SH3TC2: variants seen among roughly 807,000 people sequenced by gnomAD.
SH3TC2 encodes SH3 domain and tetratricopeptide repeat-containing protein 2.
SH3TC2 carries 87 observed loss-of-function variants against 124.5 expected under a neutral mutation model. The ratio of observed to expected loss-of-function variants is 0.70; its 90% CI spans 0.59 to 0.84. The LOEUF (loss-of-function observed/expected upper bound fraction) is 0.84. Ranked by LOEUF, SH3TC2 falls within the 40% of genes least tolerant of loss-of-function variation. SH3TC2 has a pLI of 0.00. For missense variants in SH3TC2, 1,536 were observed against 1,566.4 expected (o/e 0.98, Z 0.33); for synonymous variants, 634 against 628.5 (o/e 1.01, Z -0.13).
rs1003128440 is a variant in SH3TC2, at chr5:149,009,509, G to A, written c.3328-508C>T. ...TAAGCCCCTCAACAGTCAGAGACGC[G>A]TTCCCTGTTCTTCCCCACCCCTAGC... On this transcript the variant is annotated intron_variant, in intron 14 of 16. Transcript: ENST00000515425. Among the ~76,000 whole-genome samples the A allele has an allele frequency of 3.9e-5, 6 of 152,268 alleles. No homozygotes were observed. In the East Asian group the frequency reaches 7.7e-4, roughly 20 times the overall value.
rs928106329 is a variant in SH3TC2, at chr5:148,999,436, C to A, written c.*5275G>T. Reference sequence around the variant, plus strand: ...ACTCCAAAACACATTACATTGCCCCCACCTGAGCTGCCACCTGAGTGAGTG... The same window carrying A: ...ACTCCAAAACACATTACATTGCCCCAACCTGAGCTGCCACCTGAGTGAGTG... On this transcript the variant is annotated 3_prime_UTR_variant, in exon 17 of 17. Coordinates refer to ENST00000515425, the MANE Select transcript of SH3TC2 (RefSeq NM_024577.4). 6.6e-6 allele frequency among the ~76,000 whole-genome samples: 1 copy of A among 152,178 alleles called. No homozygotes were observed. The highest frequency in any genetic ancestry group is 1.5e-5 in the Non-Finnish European group (1 of 68,036).
At chr5:149,039,046 A>T (rs1428105052) in intron 7 of SH3TC2, among the ~76,000 whole-genome samples, 1 of 152,216 alleles carries the variant, frequency 6.6e-6, no homozygotes, top group African/African-American at 2.4e-5. Context: ...TACAGTGCAC[A>T]ATGCCTGGTA....
chr5:149,036,878 G>T (rs544606330), intron 8 of SH3TC2, among the ~76,000 whole-genome samples: 25 of 152,228 alleles, frequency 1.6e-4, no homozygotes, highest in South Asian at 4.2e-4. Context: ...CTCAGCAGTG[G>T]CCTTCCTCTC....
rs374572539 is a variant in SH3TC2 at position 149,027,377 on chromosome 5, C to G, written c.2355G>C (p.Val785=). ...GAIHYLSQAL[V]LGQLLGEQES... is the part of the protein sequence containing the mutation. ...CCTGCTCACCCAGCAGCTGCCCTAG[C>G]ACCAAGGCCTGGCTCAGGTAGTGGA... is the stretch of plus-strand genomic sequence containing the variant. Residue 785 remains valine, a synonymous_variant, in exon 11 of 17, where the codon GTG becomes GTC. Coordinates refer to ENST00000515425, the MANE Select transcript of SH3TC2 (RefSeq NM_024577.4). 6.2e-7 allele frequency: 1 copy of G among 1,614,014 alleles called. No homozygotes were observed. Among genetic ancestry groups the G allele is most frequent in the Non-Finnish European group, 8.5e-7 (1 of 1,180,030 alleles).
Position 149,020,113 on chromosome 5 carries a change from AACACACACAC to A in SH3TC2, c.3053+6449_3053+6458del, listed in dbSNP as rs56088659. On this transcript the variant is annotated intron_variant, in intron 12 of 16. Transcript: ENST00000515425. Reference sequence around the variant, plus strand: ...ATGTGGAGCAAACAAGAAAAGGTCAAACACACACACACACACACACACACACACACTAGGA... The same window carrying A: ...ATGTGGAGCAAACAAGAAAAGGTCAAACACACACACACACACACACTAGGA... 6.3e-3 allele frequency among the ~76,000 whole-genome samples: 921 copies of A among 146,910 alleles called. 6 individuals are homozygous for A. The highest frequency in any genetic ancestry group is 9.9e-3 in the Non-Finnish European group (662 of 67,078).
rs1219393727 is a variant in SH3TC2 at position 148,993,013 on chromosome 5, G to GA, written c.*11697dup. Among the ~76,000 whole-genome samples, 3 of 152,160 alleles carry GA rather than the reference G, an allele frequency of 2.0e-5. No homozygotes were observed. Among genetic ancestry groups the GA allele is most frequent in the African/African-American group, 7.2e-5 (3 of 41,430 alleles). ...GCCACTCTGCCCATCTTCTGTGAATGAAAACTTAGCCCACAGCGTTTCATT... is the reference window on the plus strand; with the variant it reads ...GCCACTCTGCCCATCTTCTGTGAATGAAAAACTTAGCCCACAGCGTTTCATT... On this transcript the variant is annotated 3_prime_UTR_variant, in exon 17 of 17. Coordinates refer to ENST00000515425, the MANE Select transcript of SH3TC2 (RefSeq NM_024577.4).
intron 3 of SH3TC2, chr5:149,045,857 G>A: frequency 4.1e-6 from 1 of 242,026 alleles, no homozygotes; most frequent in South Asian, 3.9e-5. Flanking sequence ...ATGTTGGCCA[G>A]GATGGTCTCG....
At chr5:149,058,009 C>A (rs1754680820) in intron 1 of SH3TC2, among the ~76,000 whole-genome samples, 1 of 152,186 alleles carries the variant, frequency 6.6e-6, no homozygotes, top group South Asian at 2.1e-4. Flanking sequence ...CAGCCTGGAG[C>A]TGTGGCACCC....
intron 7 of SH3TC2, among the ~76,000 whole-genome samples, chr5:149,039,678 G>T (rs1754337294): frequency 6.6e-6 from 1 of 152,160 alleles, no homozygotes; most frequent in Non-Finnish European, 1.5e-5. Flanking sequence ...TGGTTTTATT[G>T]TATCATTTTA....
chr5:149,027,405 G>A lies in SH3TC2; in HGVS notation c.2327C>T (p.Ala776Val). 6.2e-7 allele frequency: 1 copy of A among 1,614,142 alleles called. No homozygotes were observed. Among genetic ancestry groups the A allele is most frequent in the Non-Finnish European group, 8.5e-7 (1 of 1,180,038 alleles). ...CAAGGCCTGGCTCAGGTAGTGGATGGCACCGTCAGGAGACCTGTGCTCGAG... is the reference window on the plus strand; with the variant it reads ...CAAGGCCTGGCTCAGGTAGTGGATGACACCGTCAGGAGACCTGTGCTCGAG... Reference protein sequence around the residue: ...VYLEHRSPDGAIHYLSQALVL... With the variant: ...VYLEHRSPDGVIHYLSQALVL... The change falls in exon 11 of 17, where the codon GCC becomes GTC. Residue 776 changes from alanine (A) to valine (V), a missense_variant. Physicochemically the swap from Ala to Val is moderately conservative, Grantham distance 64. Around this residue, in one of 3 missense-constraint regions of SH3TC2, gnomAD observed 1,102 missense variants for 1,098.6 expected, o/e 1.00. Coordinates refer to ENST00000515425, the MANE Select transcript of SH3TC2 (RefSeq NM_024577.4).
intron 8 of SH3TC2, among the ~76,000 whole-genome samples, chr5:149,037,267 C>T (rs1378307432): frequency 6.6e-6 from 1 of 150,942 alleles, no homozygotes; most frequent in South Asian, 2.1e-4. Flanking sequence ...ATTCACATGT[C>T]CCCTTCTTCA....
chr5:149,041,596 A>G lies in SH3TC2; in HGVS notation c.551T>C (p.Leu184Pro), dbSNP rs1754373526. Reference protein sequence around the residue: ...IQEGHFFCRALCSVTPPAEKE... With the variant: ...IQEGHFFCRAPCSVTPPAEKE... ...CTCGGCTGGTGGAGTCACGGAGCACAGGGCTCTGCAGAAGAAGTGGCCTGT... is the reference window on the plus strand; with the variant it reads ...CTCGGCTGGTGGAGTCACGGAGCACGGGGCTCTGCAGAAGAAGTGGCCTGT... The change falls in exon 6 of 17, where the codon CTG becomes CCG. Residue 184 changes from leucine to proline, a missense_variant. This residue lies in a region of SH3TC2 where 1,102 missense variants were observed against 1,098.6 expected (regional missense o/e 1.00). Coordinates refer to ENST00000515425, the MANE Select transcript of SH3TC2 (RefSeq NM_024577.4). 2 of 1,614,224 alleles carry G rather than the reference A, an allele frequency of 1.2e-6. No homozygotes were observed. Among genetic ancestry groups the G allele is most frequent in the Middle Eastern group, 3.3e-4 (2 of 6,060 alleles).
chr5:149,053,703 A>G (rs1754594707), intron 1 of SH3TC2, among the ~76,000 whole-genome samples: 2 of 152,198 alleles, frequency 1.3e-5, no homozygotes, highest in African/African-American at 4.8e-5. Flanking sequence ...TCACCTGTCC[A>G]CTTTGTGAGT....
rs1243181790 is a variant in SH3TC2, at chr5:149,047,987, G to C, written c.154C>G (p.Leu52Val). Residue 52 changes from leucine to valine, a missense_variant and splice_region_variant, in exon 3 of 17, where the codon CTG becomes GTG. By Grantham distance (32) the Leu-to-Val change is conservative. Transcript: ENST00000515425. ...CFLPQNINPD[L>V]TLSFCVKSRS... is the part of the protein sequence containing the mutation. ...CTCTTTACACAGAAGGAGAGTGTCA[G>C]GTCTTAAAGAGAACAGAGAGAGAAG... 5 of 1,613,870 alleles carry C rather than the reference G, an allele frequency of 3.1e-6. No individual in the cohort carries two copies. The highest frequency in any genetic ancestry group is 2.7e-5 in the African/African-American group (2 of 74,930).
In SH3TC2 at chr5:148,987,809, C is replaced by CTGTGTGTG. The variant is rs71957589; in HGVS notation, c.*16894_*16901dup. On this transcript the variant is annotated 3_prime_UTR_variant, in exon 17 of 17. Transcript: ENST00000515425. ...CCTCACTCGAGGCCTCATTCAAAAT[C>CTGTGTGTG]TGTGTGTGTGTGTGTGTGTGTGTGT... Among the ~76,000 whole-genome samples, 2,200 of 135,386 alleles carry CTGTGTGTG rather than the reference C, an allele frequency of 0.016. 23 individuals are homozygous for CTGTGTGTG. Among genetic ancestry groups the CTGTGTGTG allele is most frequent in the Middle Eastern group, 0.029 (8 of 276 alleles). The allele number at this position is 135,386 out of a possible 152,430, so 88.8% of individuals were successfully genotyped here.
rs1485569302 is a variant in SH3TC2, at chr5:148,984,598, A to T, written c.*20113T>A. On this transcript the variant is annotated 3_prime_UTR_variant, in exon 17 of 17. Coordinates refer to ENST00000515425, the MANE Select transcript of SH3TC2 (RefSeq NM_024577.4). The stretch of plus-strand genomic sequence containing the variant: ...TCAGTCTTCTGCCTCACTCTGGACT[A>T]GGCAATGCTTCATATATCTCCAAGG... 6.6e-6 allele frequency among the ~76,000 whole-genome samples: 1 copy of T among 152,130 alleles called. No homozygotes were observed. Among genetic ancestry groups the T allele is most frequent in the Non-Finnish European group, 1.5e-5 (1 of 68,004 alleles).
rs780721573 is a variant in SH3TC2 at position 149,027,311 on chromosome 5, G to C, written c.2421C>G (p.Leu807=). ...AAGCCTTCTTGGCCTGGCTGGCTAAGAGATAGGCCCATGCCAGGCAGAGAG... is the reference window on the plus strand; with the variant it reads ...AAGCCTTCTTGGCCTGGCTGGCTAACAGATAGGCCCATGCCAGGCAGAGAG... ...ESSLCLAWAY[L]LASQAKKALD... Residue 807 remains leucine, a synonymous_variant, in exon 11 of 17, where the codon CTC becomes CTG. Transcript: ENST00000515425. The C allele has an allele frequency of 1.2e-6, 2 of 1,614,066 alleles. No homozygotes were observed. The highest frequency in any genetic ancestry group is 8.5e-7 in the Non-Finnish European group (1 of 1,180,052).
At chr5:149,020,503 C>T (rs576045194) in intron 12 of SH3TC2, among the ~76,000 whole-genome samples, 47 of 152,106 alleles carry the variant, frequency 3.1e-4, no homozygotes, top group African/African-American at 9.9e-4. Context: ...TAAATGTAAA[C>T]GTATTAAACA....
In SH3TC2 at chr5:148,984,455, G is replaced by T. The variant is rs777675327; in HGVS notation, c.*20256C>A. Among the ~76,000 whole-genome samples the T allele has an allele frequency of 1.3e-5, 2 of 152,026 alleles. No homozygotes were observed. The highest frequency in any genetic ancestry group is 2.9e-5 in the Non-Finnish European group (2 of 68,002). On this transcript the variant is annotated 3_prime_UTR_variant, in exon 17 of 17. Transcript: ENST00000515425. ...ACTTGACTTATAGTGACTTCCTGAA[G>T]AACTATATTGGGAAAAACCCTGGGG...
Sources: allele counts gnomAD v4.1 joint callset (sites outside exome capture counted in the v4.1 genomes callset), GRCh38; gene constraint gnomAD v4.1.1; regional missense constraint gnomAD v4.1.1; transcripts MANE v1.5; gene names NCBI Gene and HGNC (gene_info 2026-07-23, HGNC 2026-07-21).